Variants in ADAMTSL1 observed in about 807,000 individuals in gnomAD.
The protein encoded by ADAMTSL1 is ADAMTS-like protein 1.
ADAMTSL1 carries 126 observed loss-of-function variants against 201.8 expected under a neutral mutation model. The ratio of observed to expected loss-of-function variants is 0.62; its 90% CI spans 0.54 to 0.72. The LOEUF is 0.72. Among genes scored for constraint, ADAMTSL1 ranks in the 30% least tolerant of loss-of-function variants. The probability of loss-of-function intolerance (pLI) is 0.00; values close to 1 mark genes in which losing one functional copy is unlikely to be tolerated. For synonymous variants in ADAMTSL1, 1,121 were observed against 903.4 expected (o/e 1.24, Z -4.32); for missense variants, 2,679 against 2,277.8 (o/e 1.18, Z -3.59).
chr9:18,753,444 G>C lies in ADAMTSL1; in HGVS notation c.2153G>C (p.Ser718Thr). Residue 718 changes from serine (S) to threonine (T), a missense_variant, in exon 16 of 29, where the codon AGC (serine) becomes ACC (threonine). Transcript: ENST00000380548. Reference sequence around the variant, plus strand: ...GAGCTGTGTCGCCAGCCCAAGCCCAGCACGGTGCAAGCTTGTAACCGCTTT... The same window carrying C: ...GAGCTGTGTCGCCAGCCCAAGCCCACCACGGTGCAAGCTTGTAACCGCTTT... ...ADELCRQPKPSTVQACNRFNC... is the reference protein window; with the variant it reads ...ADELCRQPKPTTVQACNRFNC... The C allele has an allele frequency of 6.2e-7, 1 of 1,613,538 alleles. No homozygotes were observed. Among genetic ancestry groups the C allele is most frequent in the African/African-American group, 1.3e-5 (1 of 75,022 alleles).
chr9:18,187,584 TA>T (rs1263256451), intron 2 of ADAMTSL1, among the ~76,000 whole-genome samples: 1 of 152,058 alleles, frequency 6.6e-6, no homozygotes, highest in Non-Finnish European at 1.5e-5. Flanking sequence ...TAGAGAAACA[TA>T]AAAAAGGAAG....
chr9:18,602,684 T>C (rs1218727849), intron 4 of ADAMTSL1, among the ~76,000 whole-genome samples: 2 of 152,156 alleles, frequency 1.3e-5, no homozygotes, highest in Non-Finnish European at 2.9e-5. Context: ...TTCCTTTTAT[T>C]CTCCCTCTCA....
At chr9:18,346,846 C>G (rs914368717) in intron 2 of ADAMTSL1, among the ~76,000 whole-genome samples, 1 of 152,152 alleles carries the variant, frequency 6.6e-6, no homozygotes, top group East Asian at 1.9e-4. Flanking sequence ...ACTCGAAAGG[C>G]TCAATCTCAC....
chr9:18,428,980 A>G (rs1466827335), intron 2 of ADAMTSL1, among the ~76,000 whole-genome samples: 1 of 152,214 alleles, frequency 6.6e-6, no homozygotes, highest in Non-Finnish European at 1.5e-5. Context: ...GCATAAAAAT[A>G]AATCAAAAGT....
intron 14 of ADAMTSL1, among the ~76,000 whole-genome samples, chr9:18,709,080 C>T (rs1396147880): frequency 1.3e-5 from 2 of 152,124 alleles, no homozygotes; most frequent in Non-Finnish European, 2.9e-5. Flanking sequence ...ACTGAAATCT[C>T]TTAGGTCTTT....
At chr9:18,055,425 C>T (rs1241333697) in intron 1 of ADAMTSL1, among the ~76,000 whole-genome samples, 1 of 152,174 alleles carries the variant, frequency 6.6e-6, no homozygotes, top group East Asian at 1.9e-4. Flanking sequence ...TCTCCTTGTC[C>T]TTTTGTGCAT....
chr9:18,621,829 A>C (rs1398171495), intron 4 of ADAMTSL1, among the ~76,000 whole-genome samples: 1 of 152,170 alleles, frequency 6.6e-6, no homozygotes, highest in Non-Finnish European at 1.5e-5. Context: ...CATTTATAAA[A>C]TGTTTCCTGC....
At chr9:18,169,619 A>G (rs199599798) in intron 2 of ADAMTSL1, among the ~76,000 whole-genome samples, 3 of 151,950 alleles carry the variant, frequency 2.0e-5, no homozygotes, top group Non-Finnish European at 2.9e-5. Flanking sequence ...GCTCTTTTTT[A>G]GTTCCATATG....
At chr9:18,420,529 T>C (rs1489930124) in intron 2 of ADAMTSL1, among the ~76,000 whole-genome samples, 2 of 152,194 alleles carry the variant, frequency 1.3e-5, no homozygotes, top group Non-Finnish European at 2.9e-5. Flanking sequence ...AGGCTGTCAG[T>C]ACCTCCAAAT....
chr9:17,960,889 A>G (rs375645631), intron 1 of ADAMTSL1, among the ~76,000 whole-genome samples: 4 of 152,172 alleles, frequency 2.6e-5, no homozygotes, highest in African/African-American at 9.6e-5. Flanking sequence ...AGGTCTCTGG[A>G]CTGTTCACCC....
rs546461637 is a variant in ADAMTSL1, at chr9:18,282,221, G to A, written c.207+118240G>A. On this transcript the variant is annotated intron_variant, in intron 2 of 29. Transcript: ENST00000680146. ...GGTATAATGGCTACCTGATCCATCCGTGTTGCTGCAAAGGACAAGATTTCA... is the reference window on the plus strand; with the variant it reads ...GGTATAATGGCTACCTGATCCATCCATGTTGCTGCAAAGGACAAGATTTCA... 2.5e-4 allele frequency among the ~76,000 whole-genome samples: 38 copies of A among 152,222 alleles called. 1 individual carries two copies. The highest frequency in any genetic ancestry group is 2.0e-3 in the Admixed American group (30 of 15,288).
intron 2 of ADAMTSL1, among the ~76,000 whole-genome samples, chr9:18,221,073 C>T (rs1230392290): frequency 1.3e-5 from 2 of 152,100 alleles, no homozygotes; most frequent in Admixed American, 6.6e-5. Context: ...CCATGCCCAG[C>T]CCGTTACTCC....
intron 3 of ADAMTSL1, among the ~76,000 whole-genome samples, chr9:18,549,622 G>A (rs543910945): frequency 6.6e-6 from 1 of 152,108 alleles, no homozygotes; most frequent in Non-Finnish European, 1.5e-5. Flanking sequence ...TTCCTAATGA[G>A]TGTCTGGGAC....
chr9:18,037,566 A>G lies in ADAMTSL1; in HGVS notation c.88-126296A>G, dbSNP rs1283870941. Among the ~76,000 whole-genome samples the G allele has an allele frequency of 2.0e-5, 3 of 152,310 alleles. No individual in the cohort carries two copies. In the East Asian group the frequency reaches 5.8e-4, roughly 29 times the overall value. ...ATGATTGTCAAAGTATTTCAAAACT[A>G]TGAAATGTGTATATATAGGAGATAG... On this transcript the variant is annotated intron_variant, in intron 1 of 29. Coordinates refer to the ADAMTSL1 transcript ENST00000680146.
At chr9:18,359,627 G>A (rs767829149) in intron 2 of ADAMTSL1, among the ~76,000 whole-genome samples, 1 of 152,138 alleles carries the variant, frequency 6.6e-6, no homozygotes, top group Non-Finnish European at 1.5e-5. Flanking sequence ...TTAAGGAAAT[G>A]ACTGCTTTCT....
chr9:18,633,656 T>TTTC (rs60914035), intron 5 of ADAMTSL1, among the ~76,000 whole-genome samples: 1 of 142,148 alleles, frequency 7.0e-6, no homozygotes, highest in South Asian at 2.2e-4. Context: ...TTTTTTTTTT[T>TTTC]GGTTCCTTTT....
Position 18,898,176 on chromosome 9 carries a change from G to A in ADAMTSL1, c.4851+5580G>A, listed in dbSNP as rs143057655. Among the ~76,000 whole-genome samples the A allele has an allele frequency of 6.0e-3, 917 of 152,284 alleles. 12 individuals are homozygous for A. Among genetic ancestry groups the A allele is most frequent in the African/African-American group, 0.02 (848 of 41,556 alleles). Reference sequence around the variant, plus strand: ...TGCATTCCAGCCTGGGTGACAGAGCGAGACTCCGTCTCAAAAAAAGAAGGT... The same window carrying A: ...TGCATTCCAGCCTGGGTGACAGAGCAAGACTCCGTCTCAAAAAAAGAAGGT... On this transcript the variant is annotated intron_variant, in intron 26 of 28. Coordinates refer to ENST00000380548, the MANE Select transcript of ADAMTSL1 (RefSeq NM_001040272.6).
rs769527362 is a variant in ADAMTSL1, at chr9:18,504,940, C to G, written c.175C>G (p.Arg59Gly). Residue 59 changes from arginine (R) to glycine (G), a missense_variant, in exon 2 of 29, where the codon CGC becomes GGC. Coordinates refer to ENST00000380548, the MANE Select transcript of ADAMTSL1 (RefSeq NM_001040272.6). The part of the protein sequence containing the change: ...CGGGASYSLR[R>G]CLSSKSCEGR... ...GGGTGGGGCCTCCTACTCTCTGAGG[C>G]GCTGCCTGAGCAGCAAGTAAGTCCT... 40 of 1,609,348 alleles carry G rather than the reference C, an allele frequency of 2.5e-5. No homozygotes were observed. In the East Asian group the frequency reaches 8.5e-4, roughly 34 times the overall value.
intron 1 of ADAMTSL1, among the ~76,000 whole-genome samples, chr9:18,042,854 T>C (rs868702003): frequency 6.6e-6 from 1 of 152,146 alleles, no homozygotes; most frequent in Admixed American, 6.6e-5. Context: ...GGTTGTGAGA[T>C]GACATCCTCC....
Sources: gnomAD v4.1 joint callset for allele counts (sites outside exome capture counted in the v4.1 genomes callset) on GRCh38, gnomAD v4.1.1 for gene constraint, MANE v1.5 for transcripts, NCBI Gene and HGNC (gene_info 2026-07-23, HGNC 2026-07-21) for gene names.